PTPRM: variants seen among roughly 807,000 people sequenced by gnomAD.
The protein encoded by PTPRM is receptor-type tyrosine-protein phosphatase mu.
In PTPRM, 47 loss-of-function variants were observed where a neutral mutation model predicts 186.7. The ratio of observed to expected loss-of-function variants is 0.25; its 90% CI spans 0.20 to 0.32. The LOEUF (loss-of-function observed/expected upper bound fraction) is 0.32, where lower values mean the gene tolerates loss of function less well. Among genes scored for constraint, PTPRM ranks in the 10% least tolerant of loss-of-function variants. The probability of loss-of-function intolerance (pLI) is 1.00; values close to 1 mark genes in which losing one functional copy is unlikely to be tolerated. For missense variants in PTPRM, 1,494 were observed against 1,865.0 expected (o/e 0.80, Z 3.66); for synonymous variants, 668 against 674.9 (o/e 0.99, Z 0.16).
intron 19 of PTPRM, among the ~76,000 whole-genome samples, chr18:8,284,268 C>T (rs2094932762): frequency 6.6e-6 from 1 of 152,108 alleles, no homozygotes; most frequent in African/African-American, 2.4e-5. Context: ...TAGTTTAATC[C>T]CAAACCTTGT....
chr18:8,133,857 A>C (rs2092573511), intron 13 of PTPRM, among the ~76,000 whole-genome samples: 1 of 152,156 alleles, frequency 6.6e-6, no homozygotes, highest in African/African-American at 2.4e-5. Flanking sequence ...ATTATTTAGG[A>C]AGATCCATAC....
At chr18:8,162,836 G>T (rs866861482) in intron 14 of PTPRM, among the ~76,000 whole-genome samples, 1 of 152,146 alleles carries the variant, frequency 6.6e-6, no homozygotes, top group African/African-American at 2.4e-5. Context: ...AGTCTCCAGG[G>T]CCCTGAAGTT....
At chr18:8,250,012 A>G (rs571082941) in intron 17 of PTPRM, among the ~76,000 whole-genome samples, 2 of 152,326 alleles carry the variant, frequency 1.3e-5, no homozygotes, top group South Asian at 4.1e-4. Context: ...CCACGGAAGA[A>G]TTTAAGATAT....
chr18:7,966,862 G>A lies in PTPRM; in HGVS notation c.1132+11448G>A, dbSNP rs368312418. ...GCAGTCTGAGATCAAACCGCAAGGC[G>A]GCAGCGAGGCTGGGGGAGGGGCGCC... On this transcript the variant is annotated intron_variant, in intron 7 of 32. Transcript: ENST00000580170. 4.5e-4 allele frequency among the ~76,000 whole-genome samples: 57 copies of A among 127,954 alleles called. 12 individuals carry two copies. Among genetic ancestry groups the A allele is most frequent in the Non-Finnish European group, 8.4e-4 (45 of 53,448 alleles). 83.9% of individuals were successfully genotyped at this position (127,954 alleles called of 152,430 possible).
Position 8,126,004 on chromosome 18 carries a change from TATATATATA to T in PTPRM, c.2167+11178_2167+11186del, listed in dbSNP as rs2092338514. 1.1e-3 allele frequency among the ~76,000 whole-genome samples: 42 copies of T among 36,932 alleles called. 4 individuals are homozygous for T. The highest frequency in any genetic ancestry group is 3.5e-3 in the African/African-American group (36 of 10,162). The allele number at this position is 36,932 out of a possible 152,430, so 24.2% of individuals were successfully genotyped here. ...ATATATATATATATATATATATATA[TATATATATA>T]TATATATATATATATTTTAAATCAG... On this transcript the variant is annotated intron_variant, in intron 13 of 32. Transcript: ENST00000580170.
intron 7 of PTPRM, among the ~76,000 whole-genome samples, chr18:8,043,172 G>A (rs1226466797): frequency 6.6e-6 from 1 of 152,098 alleles, no homozygotes; most frequent in Non-Finnish European, 1.5e-5. Context: ...GTTTTATCTT[G>A]GTGATACATG....
intron 9 of PTPRM, among the ~76,000 whole-genome samples, chr18:8,077,613 AAATCAAAC>A (rs1412898581): frequency 6.6e-6 from 1 of 152,214 alleles, no homozygotes; most frequent in Non-Finnish European, 1.5e-5. Flanking sequence ...TGTTATAAAC[AAATCAAAC>A]AAGTTCATAT....
intron 2 of PTPRM, among the ~76,000 whole-genome samples, chr18:7,871,497 TG>T (rs1241644678): frequency 6.6e-6 from 1 of 152,248 alleles, no homozygotes; most frequent in Non-Finnish European, 1.5e-5. Context: ...TCTGTTAGAC[TG>T]GAAGCTTCTG....
chr18:8,002,053 G>T (rs552576327), intron 7 of PTPRM, among the ~76,000 whole-genome samples: 4 of 152,242 alleles, frequency 2.6e-5, no homozygotes, highest in African/African-American at 9.6e-5. Context: ...TTGGCCATTA[G>T]AGGACCACGT....
intron 23 of PTPRM, among the ~76,000 whole-genome samples, chr18:8,362,928 G>A (rs2095605545): frequency 6.6e-6 from 1 of 152,218 alleles, no homozygotes; most frequent in African/African-American, 2.4e-5. Flanking sequence ...TCCAGGGAAT[G>A]TGCTCTTGAC....
chr18:7,762,375 AG>A (rs2041816761), intron 1 of PTPRM, among the ~76,000 whole-genome samples: 1 of 152,044 alleles, frequency 6.6e-6, no homozygotes, highest in Non-Finnish European at 1.5e-5. Flanking sequence ...GCATGAGCAT[AG>A]GGGTAGCATA....
intron 14 of PTPRM, among the ~76,000 whole-genome samples, chr18:8,215,564 T>TTTTTTTTTTTA: frequency 6.7e-6 from 1 of 148,668 alleles, no homozygotes; most frequent in Admixed American, 6.7e-5. Context: ...TTTTTTTTTT[T>TTTTTTTTTTTA]TTGAGACAAG....
intron 22 of PTPRM, among the ~76,000 whole-genome samples, chr18:8,326,330 A>AAGCAATAT (rs1158845300): frequency 2.6e-4 from 39 of 152,362 alleles, no homozygotes; most frequent in South Asian, 2.1e-3. Context: ...GGATAGGAAG[A>AAGCAATAT]AGCAATATTG....
chr18:7,578,898 C>G (rs2036770523), intron 1 of PTPRM, among the ~76,000 whole-genome samples: 1 of 152,030 alleles, frequency 6.6e-6, no homozygotes, highest in Non-Finnish European at 1.5e-5. Flanking sequence ...AGTCTGTTCC[C>G]CCATCCTCAT....
At chr18:8,308,208 C>A (rs980474265) in intron 20 of PTPRM, among the ~76,000 whole-genome samples, 11 of 152,160 alleles carry the variant, frequency 7.2e-5, no homozygotes, top group Non-Finnish European at 1.3e-4. Context: ...GAGAGCCACA[C>A]CTACAAGTGT....
intron 1 of PTPRM, among the ~76,000 whole-genome samples, chr18:7,646,168 A>G (rs2038556562): frequency 6.6e-6 from 1 of 152,152 alleles, no homozygotes; most frequent in Non-Finnish European, 1.5e-5. Context: ...GTCAATACTC[A>G]CAAAAACCCA....
At chr18:8,026,273 G>A (rs2085566346) in intron 7 of PTPRM, among the ~76,000 whole-genome samples, 1 of 152,200 alleles carries the variant, frequency 6.6e-6, no homozygotes. Context: ...AGTGGAAGCA[G>A]GTGGTATCAA....
chr18:7,946,202 C>A (rs1399265173), intron 5 of PTPRM, among the ~76,000 whole-genome samples: 1 of 152,152 alleles, frequency 6.6e-6, no homozygotes, highest in African/African-American at 2.4e-5. Context: ...CTCAGTATAG[C>A]CTTGAATAGT....
At chr18:7,841,485 G>A (rs1316889616) in intron 2 of PTPRM, among the ~76,000 whole-genome samples, 5 of 151,518 alleles carry the variant, frequency 3.3e-5, no homozygotes, top group Non-Finnish European at 5.9e-5. Flanking sequence ...TAGTAGAGAC[G>A]GGTTTTCACC....
Sources: allele counts gnomAD v4.1 joint callset (sites outside exome capture counted in the v4.1 genomes callset), GRCh38; gene constraint gnomAD v4.1.1; transcripts MANE v1.5; gene names NCBI Gene and HGNC (gene_info 2026-07-23, HGNC 2026-07-21).